Variants in GRAMD1B observed in about 807,000 individuals in gnomAD.
GRAMD1B encodes the protein protein Aster-B.
Under a neutral mutation model 99.7 loss-of-function variants are expected in GRAMD1B, and 37 were observed. That is an observed-to-expected ratio of 0.37 (90% CI 0.29 to 0.49). The LOEUF is 0.49. Ranked by LOEUF, GRAMD1B falls within the 20% of genes least tolerant of loss-of-function variation. The pLI, the probability that GRAMD1B is intolerant of heterozygous loss-of-function variation, is 0.98. For missense variants in GRAMD1B, 888 were observed against 1,009.2 expected (o/e 0.88, Z 1.63); for synonymous variants, 427 against 387.6 (o/e 1.10, Z -1.19).
chr11:123,578,901 G>T (rs1358101801), intron 3 of GRAMD1B, among the ~76,000 whole-genome samples: 2 of 152,178 alleles, frequency 1.3e-5, no homozygotes, highest in African/African-American at 4.8e-5. Context: ...GGTTCAGGTC[G>T]ATGAGTTCAT....
At position 123,625,662 on chromosome 11, in the gene GRAMD1B, C is replaced by T. The variant is rs946423944; in HGVS notation, c.*3067C>T. On this transcript the variant is annotated 3_prime_UTR_variant, in exon 20 of 20. Coordinates refer to ENST00000635736, the MANE Select transcript of GRAMD1B (RefSeq NM_001387025.1). ...TGTGGCCTTGGGCAAGTCACTCCCC[C>T]TCTCTGAGCTTCAGTATCCTCCTGT... The T allele has an allele frequency of 1.3e-5, 2 of 152,632 alleles. No homozygotes were observed. The highest frequency in any genetic ancestry group is 6.5e-5 in the Admixed American group (1 of 15,290). The allele number at this position is 152,632 out of a possible 1,614,324, so 9.5% of individuals were successfully genotyped here.
rs923009360 is a variant in GRAMD1B, at chr11:123,403,180, T to C, written c.-176+44381T>C. On this transcript the variant is annotated intron_variant, in intron 1 of 20. Coordinates refer to the GRAMD1B transcript ENST00000638157. ...AGGCTCACGCCTGTAATCCCAGCACTTTGGGAGGCCGAGGCTGGTGGATCA... is the reference window on the plus strand; with the variant it reads ...AGGCTCACGCCTGTAATCCCAGCACCTTGGGAGGCCGAGGCTGGTGGATCA... Among the ~76,000 whole-genome samples, 17 of 152,154 alleles carry C rather than the reference T, an allele frequency of 1.1e-4. No individual in the cohort carries two copies. In the South Asian group the frequency reaches 1.7e-3, roughly 15 times the overall value.
rs767364405 is a variant in GRAMD1B at position 123,466,381 on chromosome 11, A to AGG, written c.375-14434_375-14433insGG. Among the ~76,000 whole-genome samples, 1,470 of 148,018 alleles carry AGG rather than the reference A, an allele frequency of 9.9e-3. 31 individuals are homozygous for AGG. Among genetic ancestry groups the AGG allele is most frequent in the African/African-American group, 0.034 (1,360 of 39,676 alleles). On this transcript the variant is annotated intron_variant, in intron 1 of 19. Transcript: ENST00000635736. ...AGGAAGGAAGGAAAAAGAAAGAGAG[A>AGG]GAGAAAGAAAGAAAAAGAAAGAAAG...
At chr11:123,558,084 A>G (rs1393098707) in intron 2 of GRAMD1B, among the ~76,000 whole-genome samples, 1 of 150,988 alleles carries the variant, frequency 6.6e-6, no homozygotes, top group Non-Finnish European at 1.5e-5. Flanking sequence ...CCTAGGTTCA[A>G]GAGATTCTCC....
chr11:123,539,337 C>T (rs1254132392), intron 2 of GRAMD1B, among the ~76,000 whole-genome samples: 1 of 152,100 alleles, frequency 6.6e-6, no homozygotes, highest in Non-Finnish European at 1.5e-5. Context: ...TGTGGTGGCT[C>T]ACGCCTGTAA....
chr11:123,368,864 A>G (rs1440157528), intron 1 of GRAMD1B, among the ~76,000 whole-genome samples: 1 of 152,146 alleles, frequency 6.6e-6, no homozygotes, highest in Non-Finnish European at 1.5e-5. Context: ...GATAGGAGCA[A>G]GACAGAAACA....
intron 1 of GRAMD1B, among the ~76,000 whole-genome samples, chr11:123,380,794 C>A (rs553812989): frequency 1.4e-4 from 21 of 152,268 alleles, no homozygotes; most frequent in African/African-American, 3.6e-4. Context: ...CATGCTAGTG[C>A]ACCCCCACAG....
Position 123,594,159 on chromosome 11 carries a change from C to T in GRAMD1B, c.762C>T (p.Leu254=). 1 of 1,609,594 alleles carries T rather than the reference C, an allele frequency of 6.2e-7. No homozygotes were observed. Residue 254 remains leucine, a synonymous_variant, in exon 5 of 20, where the codon CTC becomes CTT. Coordinates refer to ENST00000635736, the MANE Select transcript of GRAMD1B (RefSeq NM_001387025.1). ...AGCAGCTTCCAGACACGGAGCGCCT[C>T]ATTGTTGGTGAGTTGGGTGACCTGG... ...LFKQLPDTER[L]IVDYSCALQR... is the part of the protein sequence containing the mutation.
intron 1 of GRAMD1B, among the ~76,000 whole-genome samples, chr11:123,434,746 C>T (rs1344551815): frequency 1.3e-5 from 2 of 152,230 alleles, no homozygotes. Context: ...TGAGATCACA[C>T]CACTGCACTC....
intron 1 of GRAMD1B, among the ~76,000 whole-genome samples, chr11:123,422,934 T>C (rs1056426357): frequency 1.0e-5 from 1 of 97,064 alleles, no homozygotes; most frequent in South Asian, 2.8e-4. Context: ...ACTGGTTTTC[T>C]GCTCCTTCCT....
chr11:123,577,690 A>G (rs1948876099), intron 3 of GRAMD1B, 113 bp downstream of exon 3: 1 of 768,302 alleles, frequency 1.3e-6, no homozygotes, highest in East Asian at 2.7e-5. Context: ...AACAGCCCTG[A>G]TGGCTCAGAG....
intron 1 of GRAMD1B, chr11:123,435,351 G>T (rs1949111307): frequency 4.3e-6 from 3 of 692,210 alleles, no homozygotes; most frequent in Admixed American, 2.1e-5. Flanking sequence ...ATAGCTTGTG[G>T]ATTTCTTTTA....
intron 1 of GRAMD1B, among the ~76,000 whole-genome samples, chr11:123,410,034 C>T (rs1947986688): frequency 6.6e-6 from 1 of 152,194 alleles, no homozygotes; most frequent in African/African-American, 2.4e-5. Flanking sequence ...CTGCCTTGTG[C>T]CTTTCCCTTT....
intron 2 of GRAMD1B, among the ~76,000 whole-genome samples, chr11:123,500,067 C>T (rs748184558): frequency 3.9e-5 from 6 of 152,196 alleles, no homozygotes; most frequent in Non-Finnish European, 5.9e-5. Context: ...GTGGCTCACG[C>T]CTGTAATCCC....
intron 1 of GRAMD1B, among the ~76,000 whole-genome samples, chr11:123,398,707 C>T (rs1025508995): frequency 1.2e-4 from 18 of 152,042 alleles, no homozygotes; most frequent in Admixed American, 5.2e-4. Context: ...ATGTATTTAT[C>T]GGTCATTTAT....
intron 19 of GRAMD1B, among the ~76,000 whole-genome samples, chr11:123,622,169 T>C (rs1489195827): frequency 6.6e-6 from 1 of 151,982 alleles, no homozygotes; most frequent in Non-Finnish European, 1.5e-5. Context: ...TACAGGTGCA[T>C]ATCACAAAGC....
At chr11:123,428,001 G>T (rs1337281832), upstream of GRAMD1B, among the ~76,000 whole-genome samples, 1 of 152,134 alleles carries the variant, frequency 6.6e-6, no homozygotes, top group African/African-American at 2.4e-5. Context: ...CAAACTTAAA[G>T]CTTCCTCCCT....
At chr11:123,389,951 T>A (rs1263999102) in intron 1 of GRAMD1B, among the ~76,000 whole-genome samples, 1 of 152,104 alleles carries the variant, frequency 6.6e-6, no homozygotes, top group African/African-American at 2.4e-5. Flanking sequence ...GAGACAGGGT[T>A]TCACCATGTT....
intron 2 of GRAMD1B, among the ~76,000 whole-genome samples, chr11:123,516,998 C>T (rs1941732757): frequency 6.6e-6 from 1 of 152,218 alleles, no homozygotes; most frequent in African/African-American, 2.4e-5. Flanking sequence ...TGGCTCACTG[C>T]ACCCTCCACC....
Sources: gnomAD v4.1 joint callset for allele counts (sites outside exome capture counted in the v4.1 genomes callset) on GRCh38, gnomAD v4.1.1 for gene constraint, MANE v1.5 for transcripts, NCBI Gene and HGNC (gene_info 2026-07-23, HGNC 2026-07-21) for gene names.